ZNF696: variants seen among roughly 807,000 people sequenced by gnomAD.
ZNF696 encodes the protein zinc finger protein 696.
A neutral mutation model predicts 12.3 loss-of-function variants in ZNF696; 10 were observed. The ratio of observed to expected loss-of-function variants is 0.81; its 90% confidence interval spans 0.50 to 1.38. The LOEUF (loss-of-function observed/expected upper bound fraction) is 1.38. Among genes scored for constraint, ZNF696 ranks in the 40% most tolerant of loss-of-function variants. The pLI, the probability that ZNF696 is intolerant of heterozygous loss-of-function variation, is 0.00. For synonymous variants in ZNF696, 304 were observed against 243.9 expected (o/e 1.25, Z -2.29); for missense variants, 675 against 554.7 (o/e 1.22, Z -2.18).
Position 143,299,764 on chromosome 8 carries a change from C to T in ZNF696, c.*2964C>T, listed in dbSNP as rs796359224. Among the ~76,000 whole-genome samples, 39 of 151,538 alleles carry T rather than the reference C, an allele frequency of 2.6e-4. No individual in the cohort carries two copies. The highest frequency in any genetic ancestry group is 8.7e-4 in the African/African-American group (36 of 41,338). ...GGTGGATCGCTTAAGCCCAGGAGTT[C>T]GAAACCAGCCTGGGCAACATAGGGA... On this transcript the variant is annotated 3_prime_UTR_variant, in exon 3 of 3. Transcript: ENST00000330143.
At chr8:143,294,810 CTGGGTGTGGTGGCTCACACCTGTAA>C (rs1443566776) in intron 2 of ZNF696, among the ~76,000 whole-genome samples, 1 of 151,992 alleles carries the variant, frequency 6.6e-6, no homozygotes, top group Non-Finnish European at 1.5e-5. Flanking sequence ...GGGGCCATGG[CTGGGTGTGGTGGCTCACACCTGTAA>C]TCCCAGCACT....
chr8:143,294,944 C>G (rs934908323), intron 2 of ZNF696, among the ~76,000 whole-genome samples: 14 of 152,060 alleles, frequency 9.2e-5, no homozygotes, highest in African/African-American at 3.4e-4. Context: ...TTTAAAATAG[C>G]CTGGTGTGGT....
At chr8:143,293,853 T>C (rs1486556141) in intron 2 of ZNF696, among the ~76,000 whole-genome samples, 2 of 152,234 alleles carry the variant, frequency 1.3e-5, no homozygotes, top group Non-Finnish European at 2.9e-5. Flanking sequence ...GGCTGCTCAG[T>C]GTCAGGGGTC....
chr8:143,294,844 C>T (rs1586737329), intron 2 of ZNF696, among the ~76,000 whole-genome samples: 1 of 152,044 alleles, frequency 6.6e-6, no homozygotes, highest in Non-Finnish European at 1.5e-5. Flanking sequence ...AATCCCAGCA[C>T]TTTAGGAGGC....
At position 143,296,672 on chromosome 8, in the gene ZNF696, C is replaced by A; in HGVS notation, c.997C>A (p.Leu333Met). 6.4e-7 allele frequency: 1 copy of A among 1,568,944 alleles called. No homozygotes were observed. Among genetic ancestry groups the A allele is most frequent in the Non-Finnish European group, 8.6e-7 (1 of 1,165,104 alleles). The change falls in exon 3 of 3, where the codon CTG becomes ATG. Residue 333 changes from leucine (L) to methionine (M), a missense_variant. By Grantham distance (15) the Leu-to-Met change is conservative. Transcript: ENST00000330143. ...CCACTGCGGGCGCGCGTTCCGGGCG[C>A]TGTCGGGCTTCTTCCGGCACCAGCG... ...CGHCGRAFRA[L>M]SGFFRHQRLH...
Position 143,295,806 on chromosome 8 carries a change from A to T in ZNF696, c.131A>T (p.Gln44Leu). The change falls in exon 3 of 3, where the codon CAG (glutamine) becomes CTG (leucine). Residue 44 changes from glutamine (Q) to leucine (L), a missense_variant. Coordinates refer to ENST00000330143, the MANE Select transcript of ZNF696 (RefSeq NM_030895.3). ...CGGTCAGCCGAGGTGCAGGCAGCTC[A>T]GAGCACGGAGCCTGCCGCAGAGGCA... ...GSRSAEVQAAQSTEPAAEAGA... is the reference protein window; with the variant it reads ...GSRSAEVQAALSTEPAAEAGA... The T allele has an allele frequency of 1.2e-6, 2 of 1,602,800 alleles. No homozygotes were observed. The highest frequency in any genetic ancestry group is 1.7e-6 in the Non-Finnish European group (2 of 1,175,894).
chr8:143,296,996 C>A lies in ZNF696; in HGVS notation c.*196C>A, dbSNP rs1815732385. ...CAGGAGAGACAGGGCTCGGGGAAGG[C>A]GAGCGCTGCCCGCGGGAGGCGATTC... On this transcript the variant is annotated 3_prime_UTR_variant, in exon 3 of 3. Coordinates refer to ENST00000330143, the MANE Select transcript of ZNF696 (RefSeq NM_030895.3). The A allele has an allele frequency of 3.8e-6, 2 of 521,324 alleles. No homozygotes were observed. Among genetic ancestry groups the A allele is most frequent in the Non-Finnish European group, 3.1e-6 (1 of 324,214 alleles). The allele number at this position is 521,324 out of a possible 1,614,324, so 32.3% of individuals were successfully genotyped here.
Position 143,296,207 on chromosome 8 carries a change from G to A in ZNF696, c.532G>A (p.Glu178Lys), listed in dbSNP as rs746139536. The A allele has an allele frequency of 1.3e-6, 2 of 1,596,590 alleles. No homozygotes were observed. The highest frequency in any genetic ancestry group is 8.5e-7 in the Non-Finnish European group (1 of 1,175,234). ...CCGGCACCAGCGGGCGCACAGCGGGGAGAGGCCCTACGCGTGCGCCGAGTG... is the reference window on the plus strand; with the variant it reads ...CCGGCACCAGCGGGCGCACAGCGGGAAGAGGCCCTACGCGTGCGCCGAGTG... ...VVRHQRAHSGERPYACAECGK... is the reference protein window; with the variant it reads ...VVRHQRAHSGKRPYACAECGK... The change falls in exon 3 of 3, where the codon GAG (glutamate) becomes AAG (lysine). Residue 178 changes from glutamate to lysine, a missense_variant. Coordinates refer to ENST00000330143, the MANE Select transcript of ZNF696 (RefSeq NM_030895.3).
rs1025191261 is a variant in ZNF696, at chr8:143,297,690, G to A, written c.*890G>A. 1 of 152,144 alleles carries A rather than the reference G, an allele frequency of 6.6e-6. No homozygotes were observed. The highest frequency in any genetic ancestry group is 1.5e-5 in the Non-Finnish European group (1 of 68,066). 9.4% of individuals were successfully genotyped at this position (152,144 alleles called of 1,614,324 possible). Reference sequence around the variant, plus strand: ...TGAGAAGGGGGTCGTGGGGTCCCCGGGGCCCACCGTCTGCACTTGGCATCT... The same window carrying A: ...TGAGAAGGGGGTCGTGGGGTCCCCGAGGCCCACCGTCTGCACTTGGCATCT... On this transcript the variant is annotated 3_prime_UTR_variant, in exon 3 of 3. Coordinates refer to ENST00000330143, the MANE Select transcript of ZNF696 (RefSeq NM_030895.3).
Position 143,296,459 on chromosome 8 carries a change from G to C in ZNF696, c.784G>C (p.Glu262Gln). 5.0e-6 allele frequency: 8 copies of C among 1,608,070 alleles called. No homozygotes were observed. The highest frequency in any genetic ancestry group is 6.8e-6 in the Non-Finnish European group (8 of 1,178,918). Residue 262 changes from glutamate to glutamine, a missense_variant, in exon 3 of 3, where the codon GAG becomes CAG. Glu to Gln is a conservative substitution (Grantham distance 29). Coordinates refer to ENST00000330143, the MANE Select transcript of ZNF696 (RefSeq NM_030895.3). ...CCGGCACCGGCGGACCCACCACGGG[G>C]AGAACCCGTACGAGTGCCGGGAGTG... ...VVRHRRTHHG[E>Q]NPYECRECGQ...
At position 143,296,153 on chromosome 8, in the gene ZNF696, A is replaced by G; in HGVS notation, c.478A>G (p.Lys160Glu). ...EKPYECSDCG[K>E]AFIHSSHVVR... ...ACCGTACGAGTGCAGCGACTGCGGG[A>G]AGGCCTTCATCCACAGCTCGCACGT... Residue 160 changes from lysine to glutamate, a missense_variant, in exon 3 of 3, where the codon AAG (lysine) becomes GAG (glutamate). Coordinates refer to ENST00000330143, the MANE Select transcript of ZNF696 (RefSeq NM_030895.3). 6.2e-7 allele frequency: 1 copy of G among 1,609,182 alleles called. No homozygotes were observed. Among genetic ancestry groups the G allele is most frequent in the Non-Finnish European group, 8.5e-7 (1 of 1,178,788 alleles).
rs749460150 is a variant in ZNF696 at position 143,296,573 on chromosome 8, C to CGCGCCTTCAGCCGCA, written c.901_915dup (p.Ala301_Ser305dup). 6.3e-7 allele frequency: 1 copy of CGCGCCTTCAGCCGCA among 1,591,148 alleles called. No homozygotes were observed. The highest frequency in any genetic ancestry group is 1.1e-5 in the South Asian group (1 of 89,784). ...GCCCTTCGCCTGCCAGGACTGCGGC[C>CGCGCCTTCAGCCGCA]GCGCCTTCAGCCGCAGCTCCTTCCT... On this transcript the variant is annotated inframe_insertion, in exon 3 of 3. Transcript: ENST00000330143.
At chr8:143,294,711 A>G (rs6651422) in intron 2 of ZNF696, among the ~76,000 whole-genome samples, 66,631 of 151,974 alleles carry the variant, frequency 0.44, 16,005 homozygotes, top group East Asian at 0.7. Context: ...CTGTTTGCAC[A>G]TAACAGAAGC....
Position 143,295,950 on chromosome 8 carries a change from C to T in ZNF696, c.275C>T (p.Thr92Ile), listed in dbSNP as rs1419111900. The change falls in exon 3 of 3, where the codon ACT becomes ATT. Residue 92 changes from threonine to isoleucine, a missense_variant. Transcript: ENST00000330143. Reference protein sequence around the residue: ...RPGGSPRGPVTSEKTGGQSGL... With the variant: ...RPGGSPRGPVISEKTGGQSGL... ...GGAGGTTCCCCTCGAGGCCCGGTCA[C>T]TTCTGAGAAAACTGGAGGACAGAGT... 16 of 1,570,764 alleles carry T rather than the reference C, an allele frequency of 1.0e-5. No individual in the cohort carries two copies. The highest frequency in any genetic ancestry group is 1.3e-5 in the Non-Finnish European group (15 of 1,157,848).
chr8:143,293,460 T>G (rs545762301), intron 2 of ZNF696: 1 of 366,446 alleles, frequency 2.7e-6, no homozygotes, highest in South Asian at 6.2e-5. Flanking sequence ...CTCCCAGTTG[T>G]GACAATCCAA....
At position 143,291,614 on chromosome 8, in the gene ZNF696, C is replaced by T. The variant is rs991395104; in HGVS notation, c.-184C>T. 12 of 985,472 alleles carry T rather than the reference C, an allele frequency of 1.2e-5. No homozygotes were observed. In the African/African-American group the frequency reaches 2.1e-4, roughly 17 times the overall value. The allele number at this position is 985,472 out of a possible 1,614,324, so 61.0% of individuals were successfully genotyped here. Reference sequence around the variant, plus strand: ...CGTGGGGGAGGCGGCCCTGCAGGTGCGTACCCGGGGTCCGACACGTGCGGG... The same window carrying T: ...CGTGGGGGAGGCGGCCCTGCAGGTGTGTACCCGGGGTCCGACACGTGCGGG... On this transcript the variant is annotated 5_prime_UTR_variant, in exon 1 of 3. Transcript: ENST00000330143.
rs1815622042 is a variant in ZNF696, at chr8:143,291,450, A to G, written c.-348A>G. On this transcript the variant is annotated 5_prime_UTR_variant, in exon 1 of 3. Transcript: ENST00000330143. ...TGCAGTCCAGCTGCTCTGGACGCTGAGGCCCCGGCTTCTCTTGCTGGGGTG... is the reference window on the plus strand; with the variant it reads ...TGCAGTCCAGCTGCTCTGGACGCTGGGGCCCCGGCTTCTCTTGCTGGGGTG... 2 of 985,426 alleles carry G rather than the reference A, an allele frequency of 2.0e-6. No homozygotes were observed. Among genetic ancestry groups the G allele is most frequent in the Non-Finnish European group, 2.4e-6 (2 of 829,910 alleles). The allele number at this position is 985,426 out of a possible 1,614,324, so 61.0% of individuals were successfully genotyped here.
Position 143,296,120 on chromosome 8 carries a change from G to A in ZNF696, c.445G>A (p.Gly149Arg). Residue 149 changes from glycine to arginine, a missense_variant, in exon 3 of 3, where the codon GGG (glycine) becomes AGG (arginine). Gly to Arg is a moderately radical substitution (Grantham distance 125). Coordinates refer to ENST00000330143, the MANE Select transcript of ZNF696 (RefSeq NM_030895.3). Reference sequence around the variant, plus strand: ...GGCAAAGCACCGGAGCATCCACTCGGGGGAGAAACCGTACGAGTGCAGCGA... The same window carrying A: ...GGCAAAGCACCGGAGCATCCACTCGAGGGAGAAACCGTACGAGTGCAGCGA... ...DAAKHRSIHS[G>R]EKPYECSDCG... 1 of 1,609,882 alleles carries A rather than the reference G, an allele frequency of 6.2e-7. No individual in the cohort carries two copies. The highest frequency in any genetic ancestry group is 1.1e-5 in the South Asian group (1 of 90,784).
Position 143,293,057 on chromosome 8 carries a change from C to A in ZNF696, c.56C>A (p.Ser19Tyr). 6.2e-7 allele frequency: 1 copy of A among 1,613,786 alleles called. No individual in the cohort carries two copies. The highest frequency in any genetic ancestry group is 8.5e-7 in the Non-Finnish European group (1 of 1,179,842). The change falls in exon 2 of 3, where the codon TCC becomes TAC. Residue 19 changes from serine (S) to tyrosine (Y), a missense_variant. By Grantham distance (144) the Ser-to-Tyr change is moderately radical. Coordinates refer to ENST00000330143, the MANE Select transcript of ZNF696 (RefSeq NM_030895.3). The part of the protein sequence containing the change: ...GAKESSTLME[S>Y]LAAVKAAFLA... ...AAAGAGAGCAGTACCCTGATGGAGT[C>A]CCTTGCAGGTGAGGGGACATGTCCA... is the stretch of plus-strand genomic sequence containing the variant.
Sources: allele counts gnomAD v4.1 joint callset (sites outside exome capture counted in the v4.1 genomes callset), GRCh38; gene constraint gnomAD v4.1.1; transcripts MANE v1.5; gene names NCBI Gene and HGNC (gene_info 2026-07-23, HGNC 2026-07-21).